Variants in HDAC9 observed in about 807,000 individuals in gnomAD.
HDAC9 encodes the protein MEF-2 interacting transcription repressor (MITR) protein.
In HDAC9, 41 loss-of-function variants were observed where a neutral mutation model predicts 139.4. The ratio of observed to expected loss-of-function variants is 0.29; its 90% CI spans 0.23 to 0.38. The LOEUF (loss-of-function observed/expected upper bound fraction) is 0.38, where lower values mean the gene tolerates loss of function less well. Among genes scored for constraint, HDAC9 ranks in the 10% least tolerant of loss-of-function variants. HDAC9 has a pLI of 1.00. For missense variants in HDAC9, 1,147 were observed against 1,297.0 expected, an observed-to-expected ratio of 0.88 and a Z score of 1.78; for synonymous variants, 517 against 476.2, an observed-to-expected ratio of 1.09 and a Z score of -1.12.
At chr7:18,820,900 T>A (rs140162732) in intron 17 of HDAC9, among the ~76,000 whole-genome samples, 6 of 152,128 alleles carry the variant, frequency 3.9e-5, no homozygotes, top group African/African-American at 1.4e-4. Flanking sequence ...TATTATAGAG[T>A]GTCTTAGTCC....
chr7:18,190,324 TATAA>T (rs1221173925), intron 2 of HDAC9, among the ~76,000 whole-genome samples: 8 of 152,200 alleles, frequency 5.3e-5, no homozygotes, highest in South Asian at 2.1e-4. Flanking sequence ...TATAAATGTA[TATAA>T]ATAAATATGT....
intron 23 of HDAC9, among the ~76,000 whole-genome samples, chr7:18,943,708 C>T (rs1782177795): frequency 6.6e-6 from 1 of 152,068 alleles, no homozygotes; most frequent in African/African-American, 2.4e-5. Flanking sequence ...GTCCCTCTTA[C>T]CTTATTCAAG....
intron 21 of HDAC9, among the ~76,000 whole-genome samples, chr7:18,844,438 A>G (rs1374878313): frequency 6.6e-6 from 1 of 152,172 alleles, no homozygotes; most frequent in East Asian, 1.9e-4. Context: ...CTGCATCTCA[A>G]TTTGAAGATA....
intron 1 of HDAC9, among the ~76,000 whole-genome samples, chr7:18,397,594 T>C (rs770205489): frequency 6.6e-6 from 1 of 152,210 alleles, no homozygotes; most frequent in African/African-American, 2.4e-5. Flanking sequence ...CAAAATTCTT[T>C]TAATGTTAAC....
intron 17 of HDAC9, among the ~76,000 whole-genome samples, chr7:18,793,722 T>C (rs1792535306): frequency 6.6e-6 from 1 of 152,124 alleles, no homozygotes; most frequent in Non-Finnish European, 1.5e-5. Flanking sequence ...AGCAAAGCTA[T>C]GGTTCAGGTA....
chr7:18,643,206 G>A (rs1356195684), intron 8 of HDAC9, among the ~76,000 whole-genome samples: 1 of 152,080 alleles, frequency 6.6e-6, no homozygotes, highest in Non-Finnish European at 1.5e-5. Flanking sequence ...TGTACAGCAA[G>A]TATGCAACTC....
chr7:18,137,328 C>T (rs1343849449), intron 1 of HDAC9, among the ~76,000 whole-genome samples: 3 of 149,166 alleles, frequency 2.0e-5, no homozygotes, highest in Non-Finnish European at 4.4e-5. Context: ...CTGGCCAGAA[C>T]TTCCAACAGT....
At chr7:18,554,007 C>T (rs1171464678) in intron 2 of HDAC9, among the ~76,000 whole-genome samples, 1 of 152,168 alleles carries the variant, frequency 6.6e-6, no homozygotes, top group Non-Finnish European at 1.5e-5. Flanking sequence ...AAATGTTCCA[C>T]ACATTGTAGG....
At position 18,573,436 on chromosome 7, in the gene HDAC9, G is replaced by A. The variant is rs1355954915; in HGVS notation, c.23-11845G>A. The stretch of plus-strand genomic sequence containing the variant: ...TTGTTTGTGTCTAGGGATCGCTAGG[G>A]CGTTGCTTCATCAGCCAGAAACCTC... On this transcript the variant is annotated intron_variant, in intron 2 of 25. Coordinates refer to ENST00000686413, the MANE Select transcript of HDAC9 (RefSeq NM_178425.4). Among the ~76,000 whole-genome samples, 7 of 152,208 alleles carry A rather than the reference G, an allele frequency of 4.6e-5. No homozygotes were observed. In the South Asian group the frequency reaches 1.0e-3, roughly 22 times the overall value.
upstream of HDAC9, among the ~76,000 whole-genome samples, chr7:18,286,051 G>A (rs302164): frequency 0.81 from 123,067 of 152,016 alleles, 49,865 homozygotes; most frequent in South Asian, 0.88. Flanking sequence ...TGCTTTTGTA[G>A]TCAAAATTGA....
intron 22 of HDAC9, among the ~76,000 whole-genome samples, chr7:18,876,771 C>T (rs780987031): frequency 6.6e-6 from 1 of 150,574 alleles, no homozygotes; most frequent in Non-Finnish European, 1.5e-5. Flanking sequence ...GGGATGATCT[C>T]GGCTCACTAC....
chr7:18,552,412 A>G (rs530367023), intron 2 of HDAC9, among the ~76,000 whole-genome samples: 1 of 152,178 alleles, frequency 6.6e-6, no homozygotes, highest in African/African-American at 2.4e-5. Context: ...TAGGCTTTAC[A>G]GTACCCACAA....
chr7:18,302,795 A>G (rs188460924), intron 1 of HDAC9, among the ~76,000 whole-genome samples: 1 of 152,284 alleles, frequency 6.6e-6, no homozygotes, highest in Non-Finnish European at 1.5e-5. Context: ...GGGCCTAGGG[A>G]GTGCTCAGTA....
In HDAC9 at chr7:18,835,684, T is replaced by G. The variant is rs764348972; in HGVS notation, c.2586+98T>G. On this transcript the variant is annotated intron_variant, in intron 20 of 25. Coordinates refer to ENST00000686413, the MANE Select transcript of HDAC9 (RefSeq NM_178425.4). ...ATTTTCTTGTCCTTTGCTGGTGTTT[T>G]AAATTACACGAGATTACTGAATTGT... 2.0e-6 allele frequency: 3 copies of G among 1,482,510 alleles called. No homozygotes were observed. The Admixed American group carries it at 5.0e-5, about 25-fold the overall frequency. 91.8% of individuals were successfully genotyped at this position (1,482,510 alleles called of 1,614,324 possible).
chr7:18,190,796 A>AT (rs1387460212), intron 2 of HDAC9, among the ~76,000 whole-genome samples: 1 of 152,094 alleles, frequency 6.6e-6, no homozygotes, highest in African/African-American at 2.4e-5. Context: ...GTATTTACAG[A>AT]TTTTTTGCTT....
chr7:18,139,063 T>G (rs1785683029), intron 1 of HDAC9, among the ~76,000 whole-genome samples: 2 of 151,918 alleles, frequency 1.3e-5, no homozygotes, highest in African/African-American at 4.8e-5. Flanking sequence ...AAAGTATGCT[T>G]AAGAATATTA....
intron 1 of HDAC9, among the ~76,000 whole-genome samples, chr7:18,089,863 A>T (rs1181453784): frequency 6.6e-6 from 1 of 152,106 alleles, no homozygotes; most frequent in Non-Finnish European, 1.5e-5. Context: ...TATTGTAGTT[A>T]TGGACATTTT....
intron 21 of HDAC9, among the ~76,000 whole-genome samples, chr7:18,867,957 G>T (rs778574226): frequency 9.2e-5 from 14 of 151,954 alleles, no homozygotes; most frequent in Non-Finnish European, 2.1e-4. Context: ...TTATCTTTAA[G>T]TACTTCCCTT....
chr7:18,171,888 G>T (rs1208216836), intron 2 of HDAC9, among the ~76,000 whole-genome samples: 1 of 152,180 alleles, frequency 6.6e-6, no homozygotes, highest in Non-Finnish European at 1.5e-5. Flanking sequence ...GTTCATCAGG[G>T]ATATTGGTCT....
Sources: gnomAD v4.1 joint callset for allele counts (sites outside exome capture counted in the v4.1 genomes callset) on GRCh38, gnomAD v4.1.1 for gene constraint, MANE v1.5 for transcripts, NCBI Gene and HGNC (gene_info 2026-07-23, HGNC 2026-07-21) for gene names.